SERPINI1: variants seen among roughly 807,000 people sequenced by gnomAD.
The protein encoded by SERPINI1 is serpin family I member 1, also known as neuroserpin.
A neutral mutation model predicts 41.1 loss-of-function variants in SERPINI1; 19 were observed. The ratio of observed to expected loss-of-function variants is 0.46; its 90% CI spans 0.32 to 0.68. The LOEUF (loss-of-function observed/expected upper bound fraction) is 0.68, where lower values mean the gene tolerates loss of function less well. SERPINI1 is among the 30% of genes least tolerant of loss of function. The pLI is 0.03. For missense variants in SERPINI1, 460 were observed against 479.2 expected, an observed-to-expected ratio of 0.96 and a Z score of 0.37; for synonymous variants, 138 against 156.6, an observed-to-expected ratio of 0.88 and a Z score of 0.89.
intron 3 of SERPINI1, 112 bp downstream of exon 3, chr3:167,790,714 G>T: frequency 1.3e-6 from 1 of 769,098 alleles, no homozygotes; most frequent in Middle Eastern, 2.3e-4. Flanking sequence ...AGAGCATTTA[G>T]TTGGGTATCT....
intron 1 of SERPINI1, among the ~76,000 whole-genome samples, chr3:167,759,658 G>T (rs1333147030): frequency 4.6e-5 from 7 of 151,964 alleles, no homozygotes; most frequent in Non-Finnish European, 5.9e-5. Flanking sequence ...GTGTTGAAAA[G>T]CTACCTGTTG....
chr3:167,742,289 TGTAAA>T (rs1275113013), intron 1 of SERPINI1, among the ~76,000 whole-genome samples: 2 of 152,184 alleles, frequency 1.3e-5, no homozygotes, highest in Non-Finnish European at 2.9e-5. Context: ...AAAAAATAAT[TGTAAA>T]GTACAGATCA....
At chr3:167,768,974 T>C (rs182374052) in intron 1 of SERPINI1, among the ~76,000 whole-genome samples, 266 of 144,408 alleles carry the variant, frequency 1.8e-3, no homozygotes, top group African/African-American at 6.3e-3. Flanking sequence ...CCCTCTAATT[T>C]TGTTCTTTTG....
intron 1 of SERPINI1, among the ~76,000 whole-genome samples, chr3:167,775,010 C>T (rs1260758828): frequency 1.3e-5 from 2 of 151,930 alleles, no homozygotes; most frequent in Non-Finnish European, 1.5e-5. Context: ...TTGATGTGTA[C>T]GTATGACTAA....
intron 6 of SERPINI1, among the ~76,000 whole-genome samples, chr3:167,809,180 T>C (rs911249613): frequency 2.6e-5 from 4 of 152,170 alleles, no homozygotes; most frequent in Non-Finnish European, 5.9e-5. Context: ...AGATTCAAAA[T>C]ATAATGTGGT....
chr3:167,799,110 G>A lies in SERPINI1; in HGVS notation c.881+4286G>A, dbSNP rs527683863. ...CAGAACATGCAGGTTTGTTACATAGGTATACACGTGCCATGGTGGTTTGCT... is the reference window on the plus strand; with the variant it reads ...CAGAACATGCAGGTTTGTTACATAGATATACACGTGCCATGGTGGTTTGCT... On this transcript the variant is annotated intron_variant, in intron 5 of 8. Coordinates refer to ENST00000446050, the MANE Select transcript of SERPINI1 (RefSeq NM_001122752.2). Among the ~76,000 whole-genome samples the A allele has an allele frequency of 3.8e-3, 576 of 152,068 alleles. 4 individuals are homozygous for A. The highest frequency in any genetic ancestry group is 0.013 in the African/African-American group (545 of 41,446).
chr3:167,746,101 A>G (rs930818780), intron 1 of SERPINI1, among the ~76,000 whole-genome samples: 4 of 152,166 alleles, frequency 2.6e-5, no homozygotes, highest in African/African-American at 7.2e-5. Context: ...TGTATGTGTC[A>G]GTGGAACAGA....
At chr3:167,813,234 G>T (rs1711954046) in intron 6 of SERPINI1, among the ~76,000 whole-genome samples, 1 of 152,076 alleles carries the variant, frequency 6.6e-6, no homozygotes, top group East Asian at 1.9e-4. Context: ...CTGGATTACT[G>T]CAACAGCTAA....
chr3:167,796,020 C>T (rs532789935), intron 5 of SERPINI1, among the ~76,000 whole-genome samples: 1 of 151,990 alleles, frequency 6.6e-6, no homozygotes, highest in Non-Finnish European at 1.5e-5. Context: ...TGATTAATTA[C>T]TGTGAGCATT....
rs767907434 is a variant in SERPINI1, at chr3:167,823,096, C to T, written c.1066+24C>T. On this transcript the variant is annotated intron_variant, in intron 7 of 8. Coordinates refer to ENST00000446050, the MANE Select transcript of SERPINI1 (RefSeq NM_001122752.2). ...AGGTACTGTTTGCTAGAATCTTCTC[C>T]CCTCTTCTAGATTTGTATTTTTAGA... The T allele has an allele frequency of 1.1e-5, 16 of 1,450,338 alleles. No individual in the cohort carries two copies. In the Admixed American group the frequency reaches 2.5e-4, roughly 23 times the overall value. The allele number at this position is 1,450,338 out of a possible 1,614,324, so 89.8% of individuals were successfully genotyped here. A position where few individuals can be genotyped will look rare whatever the true frequency, so the allele number is the denominator to read the frequency against.
intron 7 of SERPINI1, among the ~76,000 whole-genome samples, chr3:167,823,307 G>A (rs1373638946): frequency 1.3e-5 from 2 of 152,196 alleles, no homozygotes; most frequent in Non-Finnish European, 2.9e-5. Context: ...TGAGAGACAG[G>A]AGGACATTGG....
intron 1 of SERPINI1, among the ~76,000 whole-genome samples, chr3:167,760,797 T>G (rs568091430): frequency 4.3e-4 from 66 of 152,244 alleles, no homozygotes; most frequent in African/African-American, 1.6e-3. Context: ...AAGGGAGATG[T>G]AAGGCATTAA....
At chr3:167,745,464 A>G (rs1300439291) in intron 1 of SERPINI1, among the ~76,000 whole-genome samples, 1 of 152,064 alleles carries the variant, frequency 6.6e-6, no homozygotes, top group Non-Finnish European at 1.5e-5. Context: ...AACATAGCTA[A>G]CATTTGGTAG....
chr3:167,746,722 A>G (rs1725872526), intron 1 of SERPINI1, among the ~76,000 whole-genome samples: 1 of 152,256 alleles, frequency 6.6e-6, no homozygotes, highest in African/African-American at 2.4e-5. Flanking sequence ...CACACAAACT[A>G]GGATGACTAA....
chr3:167,761,223 C>A (rs1577404003), intron 1 of SERPINI1, among the ~76,000 whole-genome samples: 1 of 152,136 alleles, frequency 6.6e-6, no homozygotes, highest in Non-Finnish European at 1.5e-5. Flanking sequence ...GCTTGAAGAA[C>A]CCAAATAAAA....
At chr3:167,809,009 C>A (rs1210258222) in intron 6 of SERPINI1, among the ~76,000 whole-genome samples, 1 of 152,112 alleles carries the variant, frequency 6.6e-6, no homozygotes, top group Non-Finnish European at 1.5e-5. Context: ...GAGCTTACAG[C>A]CCTAAACACT....
At chr3:167,786,747 C>T (rs774551545) in intron 1 of SERPINI1, among the ~76,000 whole-genome samples, 1 of 152,146 alleles carries the variant, frequency 6.6e-6, no homozygotes, top group Non-Finnish European at 1.5e-5. Context: ...TTAACTTTCA[C>T]TTACTGTAAC....
intron 4 of SERPINI1, among the ~76,000 whole-genome samples, chr3:167,793,596 A>ATATTTTTTTTTTT: frequency 1.7e-4 from 24 of 140,612 alleles, no homozygotes; most frequent in Middle Eastern, 3.5e-3. Context: ...ATATATATAT[A>ATATTTTTTTTTTT]TTTTTAATTA....
chr3:167,787,226 C>A (rs1727344876), intron 1 of SERPINI1, among the ~76,000 whole-genome samples: 1 of 152,104 alleles, frequency 6.6e-6, no homozygotes, highest in East Asian at 1.9e-4. Context: ...GATAACAATG[C>A]CTTCTTCTGG....
Sources: allele counts gnomAD v4.1 joint callset (sites outside exome capture counted in the v4.1 genomes callset), GRCh38; gene constraint gnomAD v4.1.1; transcripts MANE v1.5; gene names NCBI Gene and HGNC (gene_info 2026-07-23, HGNC 2026-07-21).